Variants in NIPBL observed in about 807,000 individuals in gnomAD.
The protein encoded by NIPBL is NIPBL cohesin loading factor.
A neutral mutation model predicts 321.8 loss-of-function variants in NIPBL; 19 were observed. That is an observed-to-expected ratio of 0.06 (90% CI 0.04 to 0.09). NIPBL has a LOEUF of 0.09. Ranked by LOEUF, NIPBL falls within the 10% of genes least tolerant of loss-of-function variation. The pLI is 1.00. For missense variants in NIPBL, 2,210 were observed against 3,327.0 expected (o/e 0.66, Z 8.26); for synonymous variants, 1,106 against 1,114.1 (o/e 0.99, Z 0.14).
rs558913478 is a variant in NIPBL at position 36,921,309 on chromosome 5, A to G, written c.-79-32309A>G. Among the ~76,000 whole-genome samples the G allele has an allele frequency of 9.8e-5, 15 of 152,334 alleles. No individual in the cohort carries two copies. The South Asian group carries it at 2.9e-3, about 29-fold the overall frequency. On this transcript the variant is annotated intron_variant, in intron 1 of 46. Coordinates refer to ENST00000282516, the MANE Select transcript of NIPBL (RefSeq NM_133433.4). ...ATGTAAAAATCTATGATGAAATCTT[A>G]AAACTAGTAAAATTATCATTAGAAC...
At chr5:37,033,488 G>T (rs1751297666) in intron 32 of NIPBL, among the ~76,000 whole-genome samples, 2 of 151,224 alleles carry the variant, frequency 1.3e-5, no homozygotes, top group Admixed American at 1.3e-4. Context: ...AACAGAAGTG[G>T]CACTGCAGAT....
chr5:36,970,112 C>T (rs1413386030), intron 6 of NIPBL, among the ~76,000 whole-genome samples: 1 of 152,038 alleles, frequency 6.6e-6, no homozygotes, highest in Non-Finnish European at 1.5e-5. Context: ...ACACCAGGCA[C>T]AGTGGCTCAC....
intron 1 of NIPBL, among the ~76,000 whole-genome samples, chr5:36,909,164 C>T (rs1747859918): frequency 6.6e-6 from 1 of 152,128 alleles, no homozygotes; most frequent in African/African-American, 2.4e-5. Flanking sequence ...CCAGTTGCAA[C>T]CCTCAGGAAT....
intron 40 of NIPBL, among the ~76,000 whole-genome samples, chr5:37,050,394 G>A (rs747510123): frequency 4.0e-5 from 6 of 150,540 alleles, no homozygotes; most frequent in Non-Finnish European, 5.9e-5. Flanking sequence ...AACCCAGGAA[G>A]CAGAGAACCC....
intron 34 of NIPBL, among the ~76,000 whole-genome samples, chr5:37,042,713 C>T (rs938877169): frequency 2.6e-5 from 4 of 151,712 alleles, no homozygotes; most frequent in Non-Finnish European, 4.4e-5. Context: ...TTCCATGCCT[C>T]CAGCTACTCT....
intron 1 of NIPBL, among the ~76,000 whole-genome samples, chr5:36,935,642 A>G (rs1047195256): frequency 6.6e-6 from 1 of 152,160 alleles, no homozygotes; most frequent in African/African-American, 2.4e-5. Flanking sequence ...ATTCCAGTAT[A>G]TTAGTTTCCT....
rs1390490298 is a variant in NIPBL at position 36,961,529 on chromosome 5, G to A, written c.404G>A (p.Ser135Asn). Residue 135 changes from serine to asparagine, a missense_variant, in exon 5 of 47, where the codon AGT becomes AAT. This residue lies in a region of NIPBL where 464 missense variants were observed against 529.5 expected (regional missense o/e 0.88). Coordinates refer to ENST00000282516, the MANE Select transcript of NIPBL (RefSeq NM_133433.4). ...QYKLSQNSMH[S>N]SPASSNYQQT... Reference sequence around the variant, plus strand: ...AAACTTTCTCAGAATTCCATGCACAGTAGTCCTGCATCTTCCAATTATCAA... The same window carrying A: ...AAACTTTCTCAGAATTCCATGCACAATAGTCCTGCATCTTCCAATTATCAA... The A allele has an allele frequency of 6.2e-7, 1 of 1,612,266 alleles. No homozygotes were observed. Among genetic ancestry groups the A allele is most frequent in the African/African-American group, 1.3e-5 (1 of 74,872 alleles).
At chr5:36,978,041 A>G (rs1205328573) in intron 9 of NIPBL, among the ~76,000 whole-genome samples, 2 of 151,992 alleles carry the variant, frequency 1.3e-5, no homozygotes, top group Admixed American at 6.6e-5. Flanking sequence ...TAACTTTGCT[A>G]TTGTAAATAG....
intron 6 of NIPBL, 87 bp from the exon 7 acceptor site, chr5:36,970,789 A>G: frequency 2.6e-6 from 3 of 1,175,716 alleles, no homozygotes; most frequent in East Asian, 2.6e-5. Context: ...TAATTTCTAT[A>G]TGCTTAAAAT....
chr5:36,925,544 G>T (rs159141), intron 1 of NIPBL, among the ~76,000 whole-genome samples: 1 of 151,892 alleles, frequency 6.6e-6, no homozygotes. Context: ...GGTATTAAAG[G>T]CATGAGCCAC....
intron 45 of NIPBL, among the ~76,000 whole-genome samples, 165 bp from the exon 46 acceptor site, chr5:37,063,625 T>G (rs1755042351): frequency 6.6e-6 from 1 of 152,242 alleles, no homozygotes; most frequent in African/African-American, 2.4e-5. Context: ...GAAAAATATT[T>G]ACCACCTGGC....
At position 36,877,135 on chromosome 5, in the gene NIPBL, A is replaced by G. The variant is rs1338065564; in HGVS notation, c.-123A>G. ...GGCCCGGATTATAGTCTCTCGCCAC[A>G]GCGGCCTCGGCCTCCCCTTGGATTC... On this transcript the variant is annotated 5_prime_UTR_variant, in exon 1 of 47. Coordinates refer to ENST00000282516, the MANE Select transcript of NIPBL (RefSeq NM_133433.4). The G allele has an allele frequency of 3.3e-6, 1 of 299,294 alleles. No individual in the cohort carries two copies. The highest frequency in any genetic ancestry group is 6.0e-6 in the Non-Finnish European group (1 of 165,376). 18.5% of individuals were successfully genotyped at this position (299,294 alleles called of 1,614,324 possible). A position where few individuals can be genotyped will look rare whatever the true frequency, so the allele number is the denominator to read the frequency against.
intron 16 of NIPBL, among the ~76,000 whole-genome samples, 191 bp from the exon 17 acceptor site, chr5:37,006,166 G>A (rs1284367632): frequency 2.0e-5 from 3 of 152,010 alleles, no homozygotes; most frequent in Non-Finnish European, 2.9e-5. Flanking sequence ...AGTATATCAC[G>A]TTTGAAAACA....
chr5:36,906,183 C>G (rs913861831), intron 1 of NIPBL, among the ~76,000 whole-genome samples: 1 of 152,094 alleles, frequency 6.6e-6, no homozygotes, highest in Non-Finnish European at 1.5e-5. Flanking sequence ...AAAACCCTAC[C>G]ATTTCTGCGA....
chr5:36,876,942 C>G lies in NIPBL; in HGVS notation c.-316C>G, dbSNP rs1445235814. The G allele has an allele frequency of 5.0e-6, 2 of 396,334 alleles. No homozygotes were observed. Among genetic ancestry groups the G allele is most frequent in the Non-Finnish European group, 4.5e-6 (1 of 224,692 alleles). 24.6% of individuals were successfully genotyped at this position (396,334 alleles called of 1,614,324 possible). On this transcript the variant is annotated 5_prime_UTR_variant, in exon 1 of 47. Coordinates refer to ENST00000282516, the MANE Select transcript of NIPBL (RefSeq NM_133433.4). Reference sequence around the variant, plus strand: ...TTCCCGGGCCCGCGGCGATGCCCCCCCGGTAGCTCGGGCCCGTGGTCGGGT... The same window carrying G: ...TTCCCGGGCCCGCGGCGATGCCCCCGCGGTAGCTCGGGCCCGTGGTCGGGT...
intron 1 of NIPBL, among the ~76,000 whole-genome samples, chr5:36,935,673 T>C (rs1395488839): frequency 1.3e-5 from 2 of 152,192 alleles, no homozygotes; most frequent in Non-Finnish European, 2.9e-5. Flanking sequence ...TAACAACTTA[T>C]AATACCATAA....
intron 14 of NIPBL, among the ~76,000 whole-genome samples, chr5:37,002,125 C>T (rs1746881616): frequency 6.6e-6 from 1 of 152,010 alleles, no homozygotes; most frequent in Non-Finnish European, 1.5e-5. Context: ...CAGCCTTAAA[C>T]CAAAAGAGTG....
intron 1 of NIPBL, among the ~76,000 whole-genome samples, chr5:36,945,280 G>C (rs1359032973): frequency 6.6e-6 from 1 of 152,062 alleles, no homozygotes; most frequent in Non-Finnish European, 1.5e-5. Context: ...CTAACTACAG[G>C]CCTCTGCAAA....
chr5:36,943,637 T>A (rs1580292902), intron 1 of NIPBL, among the ~76,000 whole-genome samples: 1 of 151,934 alleles, frequency 6.6e-6, no homozygotes, highest in South Asian at 2.1e-4. Flanking sequence ...TGGATATGAG[T>A]CTAGTATATG....
Sources: allele counts gnomAD v4.1 joint callset (sites outside exome capture counted in the v4.1 genomes callset), GRCh38; gene constraint gnomAD v4.1.1; regional missense constraint gnomAD v4.1.1; transcripts MANE v1.5; gene names NCBI Gene and HGNC (gene_info 2026-07-23, HGNC 2026-07-21).